The following FOXP1 variants were observed in gnomAD, a reference collection of about 807,000 sequenced individuals.
FOXP1 encodes forkhead box P1.
In FOXP1, 15 loss-of-function variants were observed where a neutral mutation model predicts 98.2. That is an observed-to-expected ratio of 0.15 (90% CI 0.10 to 0.24). The LOEUF (loss-of-function observed/expected upper bound fraction) is 0.24, where lower values mean the gene tolerates loss of function less well. Ranked by LOEUF, FOXP1 falls within the 10% of genes least tolerant of loss-of-function variation. The pLI, the probability that FOXP1 is intolerant of heterozygous loss-of-function variation, is 1.00. For missense variants in FOXP1, 633 were observed against 848.5 expected (o/e 0.75, Z 3.15); for synonymous variants, 371 against 314.5 (o/e 1.18, Z -1.90).
At position 71,031,741 on chromosome 3, in the gene FOXP1, C is replaced by CAAACAAA. The variant is rs199602093; in HGVS notation, c.869+9580_869+9586dup. On this transcript the variant is annotated intron_variant, in intron 11 of 20. Coordinates refer to ENST00000649528, the MANE Select transcript of FOXP1 (RefSeq NM_001349338.3). ...GGAAAATGCTAAACAAACAAACAAACAAACAAAAAACAAAAAAAGAGGTGG... is the reference window on the plus strand; with the variant it reads ...GGAAAATGCTAAACAAACAAACAAACAAACAAAAAACAAAAAACAAAAAAAGAGGTGG... 5.5e-3 allele frequency among the ~76,000 whole-genome samples: 840 copies of CAAACAAA among 151,816 alleles called. 9 individuals carry two copies. The highest frequency in any genetic ancestry group is 0.019 in the African/African-American group (804 of 41,340).
intron 6 of FOXP1, among the ~76,000 whole-genome samples, chr3:71,128,238 G>A (rs1199215388): frequency 2.0e-5 from 3 of 150,874 alleles, no homozygotes; most frequent in East Asian, 1.9e-4. Context: ...GCCAGTATGC[G>A]CACATATATC....
At chr3:71,387,682 T>C (rs1055459082) in intron 3 of FOXP1, among the ~76,000 whole-genome samples, 1 of 152,260 alleles carries the variant, frequency 6.6e-6, no homozygotes, top group African/African-American at 2.4e-5. Context: ...GATATATGCA[T>C]GTGTGATGAT....
At chr3:71,106,421 C>T (rs951351295) in intron 7 of FOXP1, among the ~76,000 whole-genome samples, 1 of 152,014 alleles carries the variant, frequency 6.6e-6, no homozygotes, top group Non-Finnish European at 1.5e-5. Context: ...CTGCAACCTC[C>T]GCCTTCCAGG....
intron 2 of FOXP1, among the ~76,000 whole-genome samples, chr3:71,512,119 A>T: frequency 6.6e-6 from 1 of 152,206 alleles, no homozygotes; most frequent in Non-Finnish European, 1.5e-5. Context: ...CACGGCTCAG[A>T]GATGGGAAGT....
chr3:71,349,680 T>G (rs980574302), intron 4 of FOXP1, among the ~76,000 whole-genome samples: 2 of 152,176 alleles, frequency 1.3e-5, no homozygotes, highest in African/African-American at 2.4e-5. Flanking sequence ...GGAAAAACAT[T>G]TATATCAAGT....
intron 4 of FOXP1, among the ~76,000 whole-genome samples, chr3:71,324,074 T>C (rs1192659000): frequency 6.6e-6 from 1 of 151,796 alleles, no homozygotes; most frequent in East Asian, 1.9e-4. Flanking sequence ...AAATATACAT[T>C]AAATATATAA....
At chr3:71,533,283 C>T (rs1016359705) in intron 2 of FOXP1, among the ~76,000 whole-genome samples, 1 of 152,184 alleles carries the variant, frequency 6.6e-6, no homozygotes, top group Admixed American at 6.5e-5. Context: ...GCCAGCCCTG[C>T]ACAAGCAAGA....
intron 2 of FOXP1, among the ~76,000 whole-genome samples, chr3:71,546,558 A>G (rs1299250729): frequency 2.0e-5 from 3 of 151,882 alleles, no homozygotes; most frequent in East Asian, 1.9e-4. Flanking sequence ...CACCACTTCT[A>G]TGATGCAGGG....
intron 3 of FOXP1, among the ~76,000 whole-genome samples, chr3:71,478,567 T>C (rs569210199): frequency 2.0e-5 from 3 of 152,352 alleles, no homozygotes; most frequent in East Asian, 1.9e-4. Context: ...GCAAAGCTAA[T>C]GAAGGCAATG....
At chr3:71,308,562 G>A (rs887710196) in intron 4 of FOXP1, among the ~76,000 whole-genome samples, 5 of 152,166 alleles carry the variant, frequency 3.3e-5, no homozygotes, top group Middle Eastern at 3.2e-3. Context: ...GGTTAGGACT[G>A]TAAGTTTCCT....
At chr3:71,239,301 T>C (rs2106878655) in intron 5 of FOXP1, among the ~76,000 whole-genome samples, 1 of 152,260 alleles carries the variant, frequency 6.6e-6, no homozygotes, top group East Asian at 1.9e-4. Context: ...CCCAGCACTT[T>C]GGGAGGCCGA....
chr3:71,482,589 G>A (rs149584441), intron 3 of FOXP1, among the ~76,000 whole-genome samples: 314 of 151,754 alleles, frequency 2.1e-3, no homozygotes, highest in African/African-American at 6.9e-3. Context: ...TAGTAGAGAC[G>A]GGGTTTCACC....
At chr3:71,114,375 G>A (rs1247941607) in intron 6 of FOXP1, among the ~76,000 whole-genome samples, 1 of 152,232 alleles carries the variant, frequency 6.6e-6, no homozygotes, top group African/African-American at 2.4e-5. Flanking sequence ...GAGCAGACAC[G>A]TAAAAACGTG....
At chr3:70,966,146 T>TTGAG in intron 19 of FOXP1, 90 bp from the exon 20 acceptor site, 2 of 1,157,876 alleles carry the variant, frequency 1.7e-6, no homozygotes, top group Non-Finnish European at 2.6e-6. Flanking sequence ...AATCTTCAGT[T>TTGAG]TGAGTTAATT....
At position 71,112,559 on chromosome 3, in the gene FOXP1, T is replaced by C; in HGVS notation, c.259A>G (p.Asn87Asp). ...QVSGLKSPKR[N>D]DKQPALQVPV... ...ACCTGAAGAGCTGGTTGTTTGTCAT[T>C]CCTCTTGGGAGATTTTAATCCACTA... The change falls in exon 7 of 21, where the codon AAT (asparagine) becomes GAT (aspartate). Residue 87 changes from asparagine to aspartate, a missense_variant. By Grantham distance (23) the Asn-to-Asp change is conservative (BLOSUM62 1). Around this residue, in one of 6 missense-constraint regions of FOXP1, gnomAD observed 210 missense variants for 270.6 expected, o/e 0.78. Transcript: ENST00000649528. The C allele has an allele frequency of 1.2e-6, 2 of 1,613,960 alleles. No homozygotes were observed. Among genetic ancestry groups the C allele is most frequent in the Non-Finnish European group, 1.7e-6 (2 of 1,179,804 alleles).
chr3:71,104,503 T>C (rs2057262529), intron 7 of FOXP1, among the ~76,000 whole-genome samples: 1 of 152,220 alleles, frequency 6.6e-6, no homozygotes, highest in Non-Finnish European at 1.5e-5. Context: ...CAGTTTTTTT[T>C]CTTTTGCCAC....
chr3:71,501,216 C>G (rs2041315927), intron 2 of FOXP1, among the ~76,000 whole-genome samples: 1 of 151,812 alleles, frequency 6.6e-6, no homozygotes, highest in South Asian at 2.1e-4. Flanking sequence ...CAAAAATGCT[C>G]TTCAACACCT....
At chr3:71,001,276 G>A (rs1048576272) in intron 12 of FOXP1, among the ~76,000 whole-genome samples, 1 of 152,186 alleles carries the variant, frequency 6.6e-6, no homozygotes, top group Admixed American at 6.5e-5. Context: ...CTTCCAGGGA[G>A]AAGTTCTGCA....
At chr3:70,982,738 A>G (rs2039075474) in intron 14 of FOXP1, among the ~76,000 whole-genome samples, 2 of 151,940 alleles carry the variant, frequency 1.3e-5, no homozygotes, top group South Asian at 4.2e-4. Context: ...TTTTAACAGT[A>G]ATCTCCCCTC....
Sources: gnomAD v4.1 joint callset for allele counts (sites outside exome capture counted in the v4.1 genomes callset) on GRCh38, gnomAD v4.1.1 for gene constraint, gnomAD v4.1.1 regional missense constraint, MANE v1.5 for transcripts, NCBI Gene and HGNC (gene_info 2026-07-23, HGNC 2026-07-21) for gene names.